PCDHGA4: variants seen among roughly 807,000 people sequenced by gnomAD.
PCDHGA4 encodes the protein protocadherin gamma subfamily A, 4, also known as protocadherin gamma-A4.
A neutral mutation model predicts 54.6 loss-of-function variants in PCDHGA4; 38 were observed. The observed-to-expected ratio is 0.70, with a 90% confidence interval of 0.54 to 0.91. The LOEUF (loss-of-function observed/expected upper bound fraction) is 0.91, where lower values mean the gene tolerates loss of function less well. Ranked by LOEUF, PCDHGA4 falls within the 40% of genes least tolerant of loss-of-function variation. PCDHGA4 has a pLI of 0.00. For synonymous variants in PCDHGA4, 511 were observed against 512.9 expected, an observed-to-expected ratio of 1.00 and a Z score of 0.05; for missense variants, 1,298 against 1,220.9, an observed-to-expected ratio of 1.06 and a Z score of -0.94.
chr5:141,370,748 T>C (rs769655229), intron 1 of PCDHGA4: 2 of 1,613,824 alleles, frequency 1.2e-6, no homozygotes, highest in Non-Finnish European at 8.5e-7. Context: ...ACTTTTTTCA[T>C]GTAACTGTGC....
intron 1 of PCDHGA4, chr5:141,423,751 G>GGC: frequency 2.9e-6 from 1 of 349,040 alleles, no homozygotes; most frequent in African/African-American, 6.5e-5. Context: ...AAAACTGTTT[G>GGC]GGGGGGGGGT....
chr5:141,420,199 C>T (rs764130526), intron 1 of PCDHGA4: 12 of 1,613,362 alleles, frequency 7.4e-6, no homozygotes, highest in Non-Finnish European at 1.0e-5. Context: ...CACAAGATAA[C>T]CTCAACAAAG....
chr5:141,481,200 T>A (rs977235584), intron 1 of PCDHGA4, among the ~76,000 whole-genome samples: 2 of 152,178 alleles, frequency 1.3e-5, no homozygotes, highest in Non-Finnish European at 2.9e-5. Flanking sequence ...CCAATTTTTT[T>A]AAAAAACATG....
chr5:141,388,659 A>C (rs777197911), intron 1 of PCDHGA4: 1 of 1,613,882 alleles, frequency 6.2e-7, no homozygotes, highest in East Asian at 2.2e-5. Flanking sequence ...GTACCCGGGG[A>C]CCACGGTGCT....
At chr5:141,448,086 TA>T (rs558292628) in intron 1 of PCDHGA4, among the ~76,000 whole-genome samples, 67 of 146,274 alleles carry the variant, frequency 4.6e-4, no homozygotes, top group African/African-American at 8.0e-4. Context: ...AATGCCATCT[TA>T]AAAAAAAAAA....
At position 141,383,756 on chromosome 5, in the gene PCDHGA4, C is replaced by T. The variant is rs62620755; in HGVS notation, c.2514+26135C>T. 6.8e-6 allele frequency: 11 copies of T among 1,613,838 alleles called. No homozygotes were observed. Among genetic ancestry groups the T allele is most frequent in the East Asian group, 2.2e-5 (1 of 44,890 alleles). ...ACATATTCTTTTCGGAAAATAACTC[C>T]TAAACTTCCAAAGATGTTTCATCTG... On this transcript the variant is annotated intron_variant, in intron 1 of 3. Coordinates refer to ENST00000571252, the MANE Select transcript of PCDHGA4 (RefSeq NM_018917.4).
chr5:141,381,133 C>A (rs1285338974), intron 1 of PCDHGA4, among the ~76,000 whole-genome samples: 2 of 152,202 alleles, frequency 1.3e-5, no homozygotes, highest in East Asian at 1.9e-4. Context: ...TGGAGCAATG[C>A]CACCAGAAAG....
At chr5:141,370,842 G>A in intron 1 of PCDHGA4, 1 of 1,614,058 alleles carries the variant, frequency 6.2e-7, no homozygotes, top group Non-Finnish European at 8.5e-7. Context: ...TCTCACTGGA[G>A]CCACATTTGC....
intron 1 of PCDHGA4, chr5:141,404,904 AG>A: frequency 3.1e-6 from 5 of 1,613,864 alleles, no homozygotes; most frequent in Non-Finnish European, 4.2e-6. Flanking sequence ...GACCATGGCC[AG>A]CCCCCTCTCT....
intron 1 of PCDHGA4, chr5:141,393,590 G>A: frequency 1.2e-6 from 2 of 1,613,896 alleles, no homozygotes; most frequent in South Asian, 2.2e-5. Flanking sequence ...CCCCAGGCAC[G>A]CGGCTGCTTA....
chr5:141,423,671 T>C (rs773279181), intron 1 of PCDHGA4: 7 of 1,550,720 alleles, frequency 4.5e-6, no homozygotes, highest in Non-Finnish European at 5.2e-6. Context: ...GTGAGATTTA[T>C]TTCTCTGCCT....
At chr5:141,481,822 G>A (rs1017311512) in intron 1 of PCDHGA4, among the ~76,000 whole-genome samples, 12 of 151,620 alleles carry the variant, frequency 7.9e-5, no homozygotes, top group Non-Finnish European at 1.5e-4. Context: ...CGTGGTGGCT[G>A]AGGCAGGAGA....
intron 1 of PCDHGA4, among the ~76,000 whole-genome samples, chr5:141,475,215 T>C (rs768665396): frequency 2.6e-5 from 4 of 152,176 alleles, no homozygotes; most frequent in Non-Finnish European, 5.9e-5. Flanking sequence ...AAAGGATTGA[T>C]CAAGTAAAGG....
At chr5:141,498,954 A>G (rs1180380627) in intron 2 of PCDHGA4, among the ~76,000 whole-genome samples, 2 of 134,538 alleles carry the variant, frequency 1.5e-5, no homozygotes, top group Non-Finnish European at 3.2e-5. Context: ...AGAAAAAGAG[A>G]GAGAGGGAGG....
chr5:141,398,683 C>A, intron 1 of PCDHGA4: 1 of 1,613,914 alleles, frequency 6.2e-7, no homozygotes, highest in Non-Finnish European at 8.5e-7. Flanking sequence ...TAAGGAGAAA[C>A]AGGATGGTAG....
At chr5:141,410,492 T>C in intron 1 of PCDHGA4, 2 of 1,613,912 alleles carry the variant, frequency 1.2e-6, no homozygotes, top group Non-Finnish European at 1.7e-6. Flanking sequence ...TACAAAAGAG[T>C]TTAATTTCCT....
intron 3 of PCDHGA4, among the ~76,000 whole-genome samples, chr5:141,507,802 T>G (rs886950696): frequency 6.6e-6 from 1 of 152,204 alleles, no homozygotes; most frequent in African/African-American, 2.4e-5. Context: ...GCCTGCGCCC[T>G]GGGGAACGGA....
chr5:141,446,633 C>T (rs2098509543), intron 1 of PCDHGA4, among the ~76,000 whole-genome samples: 4 of 152,208 alleles, frequency 2.6e-5, no homozygotes, highest in East Asian at 1.9e-4. Flanking sequence ...TGCACCACCA[C>T]GCCTGGCTAA....
intron 1 of PCDHGA4, chr5:141,376,510 G>A: frequency 6.2e-7 from 1 of 1,614,028 alleles, no homozygotes; most frequent in Non-Finnish European, 8.5e-7. Flanking sequence ...AACTTCAGGT[G>A]AGTTTCTTTC....
Sources: allele counts gnomAD v4.1 joint callset (sites outside exome capture counted in the v4.1 genomes callset), GRCh38; gene constraint gnomAD v4.1.1; transcripts MANE v1.5; gene names NCBI Gene and HGNC (gene_info 2026-07-23, HGNC 2026-07-21).